Variants in SET observed in about 807,000 individuals in gnomAD.
The protein encoded by SET is protein SET.
SET carries 4 observed loss-of-function variants against 39.0 expected under a neutral mutation model. The ratio of observed to expected loss-of-function variants is 0.10; its 90% CI spans 0.05 to 0.23. The LOEUF is 0.23. Among genes scored for constraint, SET ranks in the 10% least tolerant of loss-of-function variants. The pLI is 1.00. For synonymous variants in SET, 114 were observed against 115.9 expected (o/e 0.98, Z 0.11); for missense variants, 137 against 329.7 (o/e 0.42, Z 4.53).
Position 128,689,421 on chromosome 9 carries a change from C to CGCGAGCGAGCGAGGGGGAGGGAGA in SET, c.-150_-127dup. ...GGCGTCAGGCCGCGAGGGTAGCGCG[C>CGCGAGCGAGCGAGGGGGAGGGAGA]GCGAGCGAGCGAGGGGGAGGGAGAG... On this transcript the variant is annotated 5_prime_UTR_variant, in exon 1 of 8. Coordinates refer to ENST00000322030, the MANE Select transcript of SET (RefSeq NM_003011.4). 1 of 574,464 alleles carries CGCGAGCGAGCGAGGGGGAGGGAGA rather than the reference C, an allele frequency of 1.7e-6. No homozygotes were observed. Among genetic ancestry groups the CGCGAGCGAGCGAGGGGGAGGGAGA allele is most frequent in the Non-Finnish European group, 2.3e-6 (1 of 428,270 alleles). The allele number at this position is 574,464 out of a possible 1,614,324, so 35.6% of individuals were successfully genotyped here. A position where few individuals can be genotyped will look rare whatever the true frequency, so the allele number is the denominator to read the frequency against.
At chr9:128,689,128 C>T (rs1013945860), upstream of SET, 2 of 328,112 alleles carry the variant, frequency 6.1e-6, no homozygotes, top group African/African-American at 2.2e-5. Context: ...CCCCCTCATC[C>T]CGCCGCCCAG....
exon 1 of SET, chr9:128,683,910 C>A: frequency 6.4e-7 from 1 of 1,552,758 alleles, no homozygotes; most frequent in South Asian, 1.2e-5. Context: ...CCCCTAAACG[C>A]CAGTCTCCAC....
intron 3 of SET, 68 bp from the exon 4 acceptor site, chr9:128,692,594 G>C: frequency 9.4e-7 from 1 of 1,062,072 alleles, no homozygotes; most frequent in South Asian, 1.3e-5. Context: ...AATTTTAAAG[G>C]GATCACTTAA....
At chr9:128,694,241 T>TGGG (rs1861649658) in intron 7 of SET, among the ~76,000 whole-genome samples, 199 bp downstream of exon 7, 2 of 151,644 alleles carry the variant, frequency 1.3e-5, no homozygotes, top group Non-Finnish European at 2.9e-5. Flanking sequence ...TTTTTTTGGT[T>TGGG]TTTTTTTGGG....
Position 128,695,486 on chromosome 9 carries a change from A to G in SET, c.*822A>G, listed in dbSNP as rs1366142529. The G allele has an allele frequency of 9.0e-6, 2 of 222,396 alleles. No individual in the cohort carries two copies. The highest frequency in any genetic ancestry group is 2.2e-5 in the African/African-American group (1 of 44,874). 13.8% of individuals were successfully genotyped at this position (222,396 alleles called of 1,614,324 possible). A position where few individuals can be genotyped will look rare whatever the true frequency, so the allele number is the denominator to read the frequency against. ...AGATGATGCTCAGTTTTAAACGTTA[A>G]AAGTGTACAAGTTGCTTTGTTACAA... On this transcript the variant is annotated 3_prime_UTR_variant, in exon 8 of 8. Transcript: ENST00000322030.
At chr9:128,694,122 A>AGT (rs398113915) in intron 7 of SET, 80 bp downstream of exon 7, 18 of 1,273,228 alleles carry the variant, frequency 1.4e-5, no homozygotes, top group African/African-American at 3.0e-5. Context: ...ATATATATAT[A>AGT]GTGTGGTAGA....
rs1293189894 is a variant in SET at position 128,695,517 on chromosome 9, CTAAA to C, written c.*855_*858del. 4.5e-6 allele frequency: 1 copy of C among 223,168 alleles called. No homozygotes were observed. Among genetic ancestry groups the C allele is most frequent in the Non-Finnish European group, 9.1e-6 (1 of 109,874 alleles). The allele number at this position is 223,168 out of a possible 1,614,324, so 13.8% of individuals were successfully genotyped here. ...TACAAGTTGCTTTGTTACAATAAAA[CTAAA>C]TGTGTACACAAAGGATTTGATGCTT... On this transcript the variant is annotated 3_prime_UTR_variant, in exon 8 of 8. Coordinates refer to ENST00000322030, the MANE Select transcript of SET (RefSeq NM_003011.4).
chr9:128,691,405 A>C (rs1861531229), intron 2 of SET, among the ~76,000 whole-genome samples, 178 bp downstream of exon 2: 1 of 152,244 alleles, frequency 6.6e-6, no homozygotes, highest in Non-Finnish European at 1.5e-5. Flanking sequence ...GAAGTTTTTG[A>C]AAGTGCATTG....
chr9:128,690,439 G>C (rs548696370), intron 1 of SET: 1 of 152,558 alleles, frequency 6.6e-6, no homozygotes, highest in Admixed American at 6.5e-5. Flanking sequence ...CTTTGTAGGG[G>C]GTTTGTAGTC....
At position 128,696,171 on chromosome 9, in the gene SET, A is replaced by G. The variant is rs1201165602; in HGVS notation, c.*1507A>G. ...TGTAAAATATAGTCGCTGAAATTAAATGCCACTTTTTCAGAGGTGAATTAA... is the reference window on the plus strand; with the variant it reads ...TGTAAAATATAGTCGCTGAAATTAAGTGCCACTTTTTCAGAGGTGAATTAA... On this transcript the variant is annotated 3_prime_UTR_variant, in exon 8 of 8. Coordinates refer to ENST00000322030, the MANE Select transcript of SET (RefSeq NM_003011.4). 1 of 213,024 alleles carries G rather than the reference A, an allele frequency of 4.7e-6. No homozygotes were observed. The highest frequency in any genetic ancestry group is 6.7e-5 in the East Asian group (1 of 14,964). The allele number at this position is 213,024 out of a possible 1,614,324, so 13.2% of individuals were successfully genotyped here. A position where few individuals can be genotyped will look rare whatever the true frequency, so the allele number is the denominator to read the frequency against.
At position 128,693,730 on chromosome 9, in the gene SET, C is replaced by T; in HGVS notation, c.585C>T (p.Asp195=). The change falls in exon 6 of 8, where the codon GAC becomes GAT. Residue 195 remains aspartate, a synonymous_variant. Transcript: ENST00000322030. ...EPESFFTWFT[D]HSDAGADELG... ...AGAGCTTCTTTACCTGGTTTACTGA[C>T]CATTCTGATGCAGGTGCTGATGAGT... is the stretch of plus-strand genomic sequence containing the variant. The T allele has an allele frequency of 2.5e-6, 4 of 1,613,636 alleles. No individual in the cohort carries two copies. The highest frequency in any genetic ancestry group is 2.2e-5 in the East Asian group (1 of 44,870).
At position 128,692,853 on chromosome 9, in the gene SET, A is replaced by G. The variant is rs770638275; in HGVS notation, c.379-15A>G. ...GACCTGTTCATATTTCTAATCTTTC[A>G]ATTATTTATTACAGTATTTTGATGA... On this transcript the variant is annotated splice_polypyrimidine_tract_variant and intron_variant, in intron 4 of 7. Transcript: ENST00000322030. 2 of 1,531,880 alleles carry G rather than the reference A, an allele frequency of 1.3e-6. No individual in the cohort carries two copies. Among genetic ancestry groups the G allele is most frequent in the South Asian group, 2.3e-5 (2 of 88,166 alleles). 94.9% of individuals were successfully genotyped at this position (1,531,880 alleles called of 1,614,324 possible). A position where few individuals can be genotyped will look rare whatever the true frequency, so the allele number is the denominator to read the frequency against.
chr9:128,691,537 T>C (rs1303317133), intron 2 of SET, among the ~76,000 whole-genome samples: 1 of 152,250 alleles, frequency 6.6e-6, no homozygotes. Flanking sequence ...AACTTTGTTA[T>C]GGATTAGCCA....
intron 5 of SET, 67 bp downstream of exon 5, chr9:128,693,048 AC>A: frequency 9.6e-7 from 1 of 1,038,776 alleles, no homozygotes; most frequent in South Asian, 1.4e-5. Context: ...TTAACCACTT[AC>A]AAGTGCTTGA....
chr9:128,689,960 A>G, intron 1 of SET: 1 of 547,774 alleles, frequency 1.8e-6, no homozygotes, highest in Non-Finnish European at 2.2e-6. Flanking sequence ...CTCCCTCCCG[A>G]GAAGCCTCTC....
At position 128,694,845 on chromosome 9, in the gene SET, A is replaced by C. The variant is rs1486500145; in HGVS notation, c.*181A>C. ...TTATTTGGGGGGAAATACCTTGAGC[A>C]GAATACAATGGGAAAAGAGTCTCTA... On this transcript the variant is annotated 3_prime_UTR_variant, in exon 8 of 8. Coordinates refer to ENST00000322030, the MANE Select transcript of SET (RefSeq NM_003011.4). 2.2e-6 allele frequency: 1 copy of C among 453,508 alleles called. No homozygotes were observed. The highest frequency in any genetic ancestry group is 2.2e-5 in the African/African-American group (1 of 44,892). The allele number at this position is 453,508 out of a possible 1,614,324, so 28.1% of individuals were successfully genotyped here. A position where few individuals can be genotyped will look rare whatever the true frequency, so the allele number is the denominator to read the frequency against.
upstream of SET, among the ~76,000 whole-genome samples, chr9:128,685,839 C>T (rs1214912618): frequency 6.6e-6 from 1 of 152,150 alleles, no homozygotes; most frequent in Non-Finnish European, 1.5e-5. Context: ...CAAGACCAGC[C>T]TGGCCAACAT....
rs1210186030 is a variant in SET, at chr9:128,689,529, T to C, written c.-54T>C. On this transcript the variant is annotated 5_prime_UTR_variant, in exon 1 of 8. Coordinates refer to ENST00000322030, the MANE Select transcript of SET (RefSeq NM_003011.4). ...AGGGGAAGCCGCTTGCCCGCCCCCT[T>C]CGCCTTCCCTTCTCTCCCCCTCCCC... is the stretch of plus-strand genomic sequence containing the variant. The C allele has an allele frequency of 7.7e-6, 7 of 909,144 alleles. No individual in the cohort carries two copies. Among genetic ancestry groups the C allele is most frequent in the Admixed American group, 3.7e-5 (1 of 27,194 alleles). 56.3% of individuals were successfully genotyped at this position (909,144 alleles called of 1,614,324 possible). A position where few individuals can be genotyped will look rare whatever the true frequency, so the allele number is the denominator to read the frequency against.
At chr9:128,691,401 T>C (rs1027508483) in intron 2 of SET, among the ~76,000 whole-genome samples, 174 bp downstream of exon 2, 2 of 152,238 alleles carry the variant, frequency 1.3e-5, no homozygotes, top group Non-Finnish European at 2.9e-5. Context: ...TACAGAAGTT[T>C]TTGAAAGTGC....
Sources: allele counts gnomAD v4.1 joint callset (sites outside exome capture counted in the v4.1 genomes callset), GRCh38; gene constraint gnomAD v4.1.1; transcripts MANE v1.5; gene names NCBI Gene and HGNC (gene_info 2026-07-23, HGNC 2026-07-21).